Variants in RABGAP1L observed in about 807,000 individuals in gnomAD.
RABGAP1L encodes the protein RAB GTPase activating protein 1 like.
A neutral mutation model predicts 137.7 loss-of-function variants in RABGAP1L; 63 were observed. The ratio of observed to expected loss-of-function variants is 0.46; its 90% confidence interval spans 0.37 to 0.56. The LOEUF (loss-of-function observed/expected upper bound fraction) is 0.56, where lower values mean the gene tolerates loss of function less well. Ranked by LOEUF, RABGAP1L falls within the 20% of genes least tolerant of loss-of-function variation. The pLI is 0.00. For synonymous variants in RABGAP1L, 431 were observed against 433.7 expected (o/e 0.99, Z 0.08); for missense variants, 1,095 against 1,244.0 (o/e 0.88, Z 1.80).
chr1:174,981,432 G>C (rs1274276637), intron 23 of RABGAP1L, among the ~76,000 whole-genome samples: 1 of 151,522 alleles, frequency 6.6e-6, no homozygotes, highest in African/African-American at 2.4e-5. Context: ...CATCACCAGA[G>C]CTATTTTTGA....
chr1:174,917,109 TC>T (rs1661006997), intron 19 of RABGAP1L, among the ~76,000 whole-genome samples: 2 of 152,140 alleles, frequency 1.3e-5, no homozygotes, highest in South Asian at 4.1e-4. Flanking sequence ...ACACTAATAA[TC>T]ATGGGGGCTC....
intron 1 of RABGAP1L, among the ~76,000 whole-genome samples, chr1:174,190,672 G>C (rs1459975089): frequency 2.0e-5 from 3 of 152,194 alleles, no homozygotes; most frequent in Admixed American, 6.5e-5. Flanking sequence ...CTTACCATTT[G>C]TGTGTTCAGT....
chr1:174,407,550 A>G (rs1329330977), intron 13 of RABGAP1L, among the ~76,000 whole-genome samples: 1 of 152,212 alleles, frequency 6.6e-6, no homozygotes, highest in Non-Finnish European at 1.5e-5. Context: ...GTATTATGCA[A>G]AAAGTCCAAG....
At chr1:174,402,992 A>G (rs1480406987) in intron 13 of RABGAP1L, among the ~76,000 whole-genome samples, 1 of 152,104 alleles carries the variant, frequency 6.6e-6, no homozygotes, top group Non-Finnish European at 1.5e-5. Context: ...GGTTTATATA[A>G]CATAGGAAAT....
chr1:174,548,044 A>G, intron 13 of RABGAP1L: 1 of 1,550,524 alleles, frequency 6.4e-7, no homozygotes, highest in South Asian at 1.2e-5. Flanking sequence ...TAAGAGGCTT[A>G]ATGCCTGTTA....
At chr1:174,318,162 A>G (rs915492874) in intron 11 of RABGAP1L, among the ~76,000 whole-genome samples, 3 of 151,020 alleles carry the variant, frequency 2.0e-5, no homozygotes, top group South Asian at 4.2e-4. Context: ...CTGTGTAGAT[A>G]GTTGTTAAAT....
intron 13 of RABGAP1L, among the ~76,000 whole-genome samples, chr1:174,533,443 TG>T (rs1664613237): frequency 6.6e-6 from 1 of 152,164 alleles, no homozygotes; most frequent in Admixed American, 6.5e-5. Context: ...CTTTTACCTC[TG>T]CCACCCCTGA....
At chr1:174,285,109 C>T (rs1323180690) in intron 10 of RABGAP1L, among the ~76,000 whole-genome samples, 2 of 152,024 alleles carry the variant, frequency 1.3e-5, no homozygotes, top group Non-Finnish European at 2.9e-5. Flanking sequence ...CTCTGCCTCC[C>T]GGGTTCAAGC....
chr1:174,631,792 C>T (rs571458869), intron 13 of RABGAP1L, among the ~76,000 whole-genome samples: 3,125 of 150,508 alleles, frequency 0.021, 44 homozygotes, highest in Middle Eastern at 0.079. Context: ...TATGTCTCTG[C>T]ACGTGAGATG....
At chr1:174,475,342 G>A (rs41472847) in intron 13 of RABGAP1L, among the ~76,000 whole-genome samples, 31,854 of 151,994 alleles carry the variant, frequency 0.21, 3,688 homozygotes, top group Admixed American at 0.25. Context: ...TGATTGGTTG[G>A]ACTGTCTTTG....
chr1:174,394,153 G>T lies in RABGAP1L; in HGVS notation c.1710+8G>T, dbSNP rs1201805603. ...CGAATTCTTATCACAAAGGTAGGAA[G>T]AAGTTCTTTTCATATTATTTTCATT... On this transcript the variant is annotated splice_region_variant and intron_variant, in intron 13 of 25. Coordinates refer to ENST00000681986, the MANE Select transcript of RABGAP1L (RefSeq NM_001366446.1). 6.2e-7 allele frequency: 1 copy of T among 1,609,328 alleles called. No homozygotes were observed.
chr1:174,750,092 ATC>A (rs1684226988), intron 17 of RABGAP1L, among the ~76,000 whole-genome samples: 1 of 152,014 alleles, frequency 6.6e-6, no homozygotes, highest in Non-Finnish European at 1.5e-5. Context: ...GATGGTCTCG[ATC>A]TCCTGACCTC....
At chr1:174,804,259 G>GA (rs1689036825) in intron 18 of RABGAP1L, among the ~76,000 whole-genome samples, 1 of 146,508 alleles carries the variant, frequency 6.8e-6, no homozygotes, top group East Asian at 2.0e-4. Context: ...TTTTTTGTTT[G>GA]TTTTGTTTTG....
chr1:174,633,685 G>A (rs1410886035), intron 13 of RABGAP1L, among the ~76,000 whole-genome samples: 1 of 124,516 alleles, frequency 8.0e-6, no homozygotes, highest in South Asian at 2.5e-4. Context: ...CCAAAACAGA[G>A]ATATAGATCA....
At chr1:174,976,618 C>G (rs1670664904) in intron 22 of RABGAP1L, among the ~76,000 whole-genome samples, 1 of 152,220 alleles carries the variant, frequency 6.6e-6, no homozygotes, top group South Asian at 2.1e-4. Flanking sequence ...GCCCCTGCCG[C>G]AATCAGTCAC....
At chr1:174,701,061 G>T in intron 16 of RABGAP1L, 1 of 1,303,004 alleles carries the variant, frequency 7.7e-7, no homozygotes, top group Non-Finnish European at 1.0e-6. Flanking sequence ...TGTAGTTCAA[G>T]AAATGGCTTA....
intron 1 of RABGAP1L, among the ~76,000 whole-genome samples, chr1:174,199,788 C>A (rs1422614744): frequency 6.6e-6 from 1 of 152,082 alleles, no homozygotes; most frequent in Non-Finnish European, 1.5e-5. Flanking sequence ...GTTCTTGTCT[C>A]CCCTCCCTCA....
At chr1:174,588,604 C>T (rs192947285) in intron 13 of RABGAP1L, among the ~76,000 whole-genome samples, 11 of 152,290 alleles carry the variant, frequency 7.2e-5, no homozygotes, top group African/African-American at 9.6e-5. Flanking sequence ...CCCCACTACT[C>T]CCGCTACCCT....
At chr1:174,690,651 C>T (rs1005724484) in intron 15 of RABGAP1L, among the ~76,000 whole-genome samples, 1 of 151,992 alleles carries the variant, frequency 6.6e-6, no homozygotes, top group African/African-American at 2.4e-5. Flanking sequence ...ATATATCATA[C>T]AGTGATAGAA....
Sources: gnomAD v4.1 joint callset for allele counts (sites outside exome capture counted in the v4.1 genomes callset) on GRCh38, gnomAD v4.1.1 for gene constraint, MANE v1.5 for transcripts, NCBI Gene and HGNC (gene_info 2026-07-23, HGNC 2026-07-21) for gene names.